The following FBXO31 variants were observed in gnomAD, a reference collection of about 807,000 sequenced individuals.
The protein encoded by FBXO31 is F-box only protein 31.
FBXO31 carries 24 observed loss-of-function variants against 54.4 expected under a neutral mutation model. The ratio of observed to expected loss-of-function variants is 0.44; its 90% CI spans 0.32 to 0.62. The LOEUF (loss-of-function observed/expected upper bound fraction) is 0.62. Among genes scored for constraint, FBXO31 ranks in the 20% least tolerant of loss-of-function variants. FBXO31 has a pLI of 0.05. For missense variants in FBXO31, 665 were observed against 787.1 expected (o/e 0.84, Z 1.86); for synonymous variants, 388 against 335.6 (o/e 1.16, Z -1.71).
At chr16:87,354,357 C>T (rs1434304675) in intron 2 of FBXO31, among the ~76,000 whole-genome samples, 1 of 152,026 alleles carries the variant, frequency 6.6e-6, no homozygotes, top group Non-Finnish European at 1.5e-5. Context: ...CACCTGTAGT[C>T]CCAGCTAACT....
intron 1 of FBXO31, among the ~76,000 whole-genome samples, chr16:87,380,002 G>GAA (rs1269750231): frequency 6.2e-5 from 5 of 80,864 alleles, no homozygotes; most frequent in African/African-American, 4.6e-5. Flanking sequence ...CGCTCCAAAA[G>GAA]AAAAAAAAAA....
At chr16:87,352,236 G>T (rs116255390) in intron 2 of FBXO31, among the ~76,000 whole-genome samples, 2 of 152,086 alleles carry the variant, frequency 1.3e-5, no homozygotes, top group Non-Finnish European at 2.9e-5. Context: ...CAATCTAGGA[G>T]GCTAAACAAC....
chr16:87,336,142 G>C lies in FBXO31; in HGVS notation c.842+13C>G, dbSNP rs376054922. ...AGAGGGCTACCCCAGCACCGAGCAG[G>C]AGCCGCACTCACTCGTACTGACTGG... On this transcript the variant is annotated intron_variant, in intron 6 of 8. Transcript: ENST00000311635. The surrounding 1 kb of genome is among the most constrained non-coding windows in gnomAD (Gnocchi z 6.5). The C allele has an allele frequency of 1.4e-4, 225 of 1,610,012 alleles. No homozygotes were observed. The highest frequency in any genetic ancestry group is 1.8e-4 in the Non-Finnish European group (215 of 1,176,440).
rs1026973187 is a variant in FBXO31 at position 87,327,450 on chromosome 16, G to A, written c.*3838C>T. On this transcript the variant is annotated 3_prime_UTR_variant, in exon 9 of 9. Coordinates refer to ENST00000311635, the MANE Select transcript of FBXO31 (RefSeq NM_024735.5). ...AGGCGGGTGGATCACCTGAGATCGG[G>A]AGTTCGAGACCAACCTGAGCAACAT... 2 of 152,588 alleles carry A rather than the reference G, an allele frequency of 1.3e-5. No individual in the cohort carries two copies. Among genetic ancestry groups the A allele is most frequent in the African/African-American group, 4.8e-5 (2 of 41,460 alleles). The allele number at this position is 152,588 out of a possible 1,614,324, so 9.5% of individuals were successfully genotyped here. A position where few individuals can be genotyped will look rare whatever the true frequency, so the allele number is the denominator to read the frequency against.
rs1339235455 is a variant in FBXO31, at chr16:87,338,387, T to C, written c.733-2123A>G. Among the ~76,000 whole-genome samples the C allele has an allele frequency of 6.6e-6, 1 of 151,612 alleles. No homozygotes were observed. The highest frequency in any genetic ancestry group is 1.5e-5 in the Non-Finnish European group (1 of 67,964). On this transcript the variant is annotated intron_variant, in intron 5 of 8. Coordinates refer to ENST00000311635, the MANE Select transcript of FBXO31 (RefSeq NM_024735.5). The surrounding 1 kb of genome is among the most constrained non-coding windows in gnomAD (Gnocchi z 4.3). ...GGTGACAAGGATGCCTGCTGGCTGCTTGAAACAGGAGCATGGCCCATCCTC... is the reference window on the plus strand; with the variant it reads ...GGTGACAAGGATGCCTGCTGGCTGCCTGAAACAGGAGCATGGCCCATCCTC...
At chr16:87,337,010 G>A (rs924679169) in intron 5 of FBXO31, among the ~76,000 whole-genome samples, 1 of 152,146 alleles carries the variant, frequency 6.6e-6, no homozygotes, top group Non-Finnish European at 1.5e-5. Flanking sequence ...ACAAAAAAGA[G>A]GAAACACGAT....
chr16:87,373,183 G>T (rs1478619950), intron 1 of FBXO31, among the ~76,000 whole-genome samples: 3 of 151,152 alleles, frequency 2.0e-5, no homozygotes, highest in Non-Finnish European at 4.4e-5. Flanking sequence ...CGGGCACAGT[G>T]GCTCACGCCT....
At chr16:87,379,136 T>G (rs1906960954) in intron 1 of FBXO31, among the ~76,000 whole-genome samples, 1 of 152,154 alleles carries the variant, frequency 6.6e-6, no homozygotes, top group African/African-American at 2.4e-5. Context: ...TTTGTTTTGT[T>G]TTTTTGAGAT....
At chr16:87,348,068 C>A (rs1162049626) in intron 2 of FBXO31, among the ~76,000 whole-genome samples, 1 of 152,154 alleles carries the variant, frequency 6.6e-6, no homozygotes, top group African/African-American at 2.4e-5. Flanking sequence ...CTGGGCCCTG[C>A]CCAGGCCTTC....
chr16:87,329,055 C>T lies in FBXO31; in HGVS notation c.*2233G>A, dbSNP rs1904748470. 1 of 152,252 alleles carries T rather than the reference C, an allele frequency of 6.6e-6. No homozygotes were observed. Among genetic ancestry groups the T allele is most frequent in the African/African-American group, 2.4e-5 (1 of 41,466 alleles). The allele number at this position is 152,252 out of a possible 1,614,324, so 9.4% of individuals were successfully genotyped here. ...TGAGGCGCGCAGATTCAGTGCCTGT[C>T]CCTACAGAACCGGAGCCAAGAACTG... On this transcript the variant is annotated 3_prime_UTR_variant, in exon 9 of 9. Transcript: ENST00000311635.
intron 2 of FBXO31, among the ~76,000 whole-genome samples, chr16:87,355,712 A>C (rs1418627125): frequency 6.6e-6 from 1 of 152,222 alleles, no homozygotes; most frequent in African/African-American, 2.4e-5. Flanking sequence ...ACATCACAAT[A>C]GGAGGCTGCG....
upstream of FBXO31, among the ~76,000 whole-genome samples, chr16:87,385,824 C>T (rs1280119172): frequency 1.3e-5 from 2 of 152,096 alleles, no homozygotes; most frequent in Non-Finnish European, 2.9e-5. Context: ...GCCTGGCCAA[C>T]ATGGTGAAAC....
At chr16:87,332,844 GGAA>G (rs1307267436) in intron 8 of FBXO31, among the ~76,000 whole-genome samples, 3 of 152,166 alleles carry the variant, frequency 2.0e-5, no homozygotes, top group Non-Finnish European at 4.4e-5. Context: ...GGAGGTAAAA[GGAA>G]AATAACTGTA....
chr16:87,387,341 G>A (rs1039212030), upstream of FBXO31, among the ~76,000 whole-genome samples: 1 of 152,076 alleles, frequency 6.6e-6, no homozygotes, highest in Non-Finnish European at 1.5e-5. Context: ...TCTAAAACGA[G>A]GAAGAACTAG....
chr16:87,335,005 T>C lies in FBXO31; in HGVS notation c.996+299A>G, dbSNP rs1904999043. Among the ~76,000 whole-genome samples, 1 of 152,226 alleles carries C rather than the reference T, an allele frequency of 6.6e-6. No individual in the cohort carries two copies. The highest frequency in any genetic ancestry group is 1.5e-5 in the Non-Finnish European group (1 of 68,020). On this transcript the variant is annotated intron_variant, in intron 7 of 8. Coordinates refer to ENST00000311635, the MANE Select transcript of FBXO31 (RefSeq NM_024735.5). The surrounding 1 kb of genome is among the most constrained non-coding windows in gnomAD (Gnocchi z 5.7). ...ATCTGAGCCTCTGTGTGGGGTCTGC[T>C]GTCCAGACTTCCTAAACCCCACAGG...
At position 87,338,656 on chromosome 16, in the gene FBXO31, A is replaced by C. The variant is rs1442269079; in HGVS notation, c.733-2392T>G. Among the ~76,000 whole-genome samples, 1 of 152,186 alleles carries C rather than the reference A, an allele frequency of 6.6e-6. No individual in the cohort carries two copies. The highest frequency in any genetic ancestry group is 1.5e-5 in the Non-Finnish European group (1 of 68,024). On this transcript the variant is annotated intron_variant, in intron 5 of 8. Transcript: ENST00000311635. The surrounding 1 kb of genome is among the most constrained non-coding windows in gnomAD (Gnocchi z 4.3). ...ATGCCAGTGACGCAGCCTGGGTACA[A>C]GGAATGGCCTCCCGGGGTGGGGGTG...
chr16:87,345,976 A>G lies in FBXO31; in HGVS notation c.489+1198T>C, dbSNP rs1256388006. The stretch of plus-strand genomic sequence containing the variant: ...AGGCAGTTGCACGAGGCACCTGCGG[A>G]ATCCTGAGTGAGGGGTGGGAGGTGG... On this transcript the variant is annotated intron_variant, in intron 3 of 8. Transcript: ENST00000311635. This position sits in a 1 kb window ranked among gnomAD's most constrained non-coding sequence, Gnocchi z 4.9. Among the ~76,000 whole-genome samples the G allele has an allele frequency of 6.6e-6, 1 of 152,220 alleles. No individual in the cohort carries two copies. Among genetic ancestry groups the G allele is most frequent in the African/African-American group, 2.4e-5 (1 of 41,454 alleles).
At chr16:87,352,695 C>T (rs749512965) in intron 2 of FBXO31, among the ~76,000 whole-genome samples, 15 of 152,210 alleles carry the variant, frequency 9.9e-5, no homozygotes, top group Non-Finnish European at 1.9e-4. Context: ...ACAGGAGAGC[C>T]TGGGAAACGT....
Position 87,383,389 on chromosome 16 carries a change from A to ACC in FBXO31, c.340+14_340+15dup. 1.3e-6 allele frequency: 1 copy of ACC among 775,198 alleles called. No homozygotes were observed. The highest frequency in any genetic ancestry group is 1.9e-6 in the Non-Finnish European group (1 of 539,520). 48.0% of individuals were successfully genotyped at this position (775,198 alleles called of 1,614,324 possible). A position where few individuals can be genotyped will look rare whatever the true frequency, so the allele number is the denominator to read the frequency against. On this transcript the variant is annotated intron_variant, in intron 1 of 8. Coordinates refer to ENST00000311635, the MANE Select transcript of FBXO31 (RefSeq NM_024735.5). The surrounding 1 kb of genome is among the most constrained non-coding windows in gnomAD (Gnocchi z 4.9). ...ACCCCCCGCCCCTCCCGGCCCCGCC[A>ACC]CCCCCGCGCGCTCACCCTCACGGCA...
Sources: gnomAD v4.1 joint callset for allele counts (sites outside exome capture counted in the v4.1 genomes callset) on GRCh38, gnomAD v4.1.1 for gene constraint, Gnocchi (gnomAD v3.1) non-coding constraint, MANE v1.5 for transcripts, NCBI Gene and HGNC (gene_info 2026-07-23, HGNC 2026-07-21) for gene names.